DYM: variants seen among roughly 807,000 people sequenced by gnomAD.
DYM encodes dyggve-Melchior-Clausen syndrome protein.
In DYM, 78 loss-of-function variants were observed where a neutral mutation model predicts 93.1. That is an observed-to-expected ratio of 0.84 (90% CI 0.70 to 1.01). DYM has a LOEUF of 1.01. DYM is among the 50% of genes least tolerant of loss of function. DYM has a pLI of 0.00. For synonymous variants in DYM, 321 were observed against 319.7 expected (o/e 1.00, Z -0.04); for missense variants, 789 against 845.0 (o/e 0.93, Z 0.82).
chr18:49,059,634 G>A (rs1419897479), intron 17 of DYM, among the ~76,000 whole-genome samples: 2 of 152,132 alleles, frequency 1.3e-5, no homozygotes, highest in East Asian at 1.9e-4. Flanking sequence ...GCAGTTAGGG[G>A]CCCAGGTGGC....
intron 15 of DYM, among the ~76,000 whole-genome samples, chr18:49,138,009 A>G (rs1251705500): frequency 6.6e-6 from 1 of 152,218 alleles, no homozygotes; most frequent in Non-Finnish European, 1.5e-5. Context: ...GAATAGGAAA[A>G]TGGTAGTATA....
intron 2 of DYM, among the ~76,000 whole-genome samples, chr18:49,424,791 C>A (rs1172966416): frequency 1.3e-5 from 2 of 152,058 alleles, no homozygotes; most frequent in East Asian, 3.9e-4. Flanking sequence ...CTCCCATTCA[C>A]AATTGCTTCA....
chr18:49,178,399 A>C (rs2089602060), intron 14 of DYM, among the ~76,000 whole-genome samples: 1 of 152,182 alleles, frequency 6.6e-6, no homozygotes, highest in Non-Finnish European at 1.5e-5. Context: ...AATGAGAAAA[A>C]GATTCAAATG....
At chr18:49,357,383 G>A (rs371218801) in intron 6 of DYM, among the ~76,000 whole-genome samples, 7 of 152,112 alleles carry the variant, frequency 4.6e-5, no homozygotes, top group African/African-American at 1.2e-4. Flanking sequence ...AAAGCCCATC[G>A]TCCCTAAACT....
At chr18:49,052,429 T>C (rs868131718) in intron 17 of DYM, among the ~76,000 whole-genome samples, 3 of 152,238 alleles carry the variant, frequency 2.0e-5, no homozygotes, top group African/African-American at 7.2e-5. Flanking sequence ...GACAAAAGGT[T>C]TAATTTAGCA....
chr18:49,428,341 T>TA (rs1443635879), intron 2 of DYM, among the ~76,000 whole-genome samples: 1 of 152,022 alleles, frequency 6.6e-6, no homozygotes, highest in Non-Finnish European at 1.5e-5. Context: ...CACCTATTGT[T>TA]ACAATTTCAT....
chr18:49,213,115 A>C (rs1446397726), intron 13 of DYM, among the ~76,000 whole-genome samples: 1 of 152,200 alleles, frequency 6.6e-6, no homozygotes, highest in East Asian at 1.9e-4. Flanking sequence ...GTTATGCTTC[A>C]CTAAAATAAA....
At chr18:49,184,153 C>T (rs1175190111) in intron 14 of DYM, among the ~76,000 whole-genome samples, 4 of 152,160 alleles carry the variant, frequency 2.6e-5, no homozygotes, top group Non-Finnish European at 5.9e-5. Context: ...CAGTTCCTCT[C>T]TTCCCACTAA....
intron 6 of DYM, among the ~76,000 whole-genome samples, chr18:49,351,150 G>A (rs2065088019): frequency 6.6e-6 from 1 of 152,056 alleles, no homozygotes; most frequent in African/African-American, 2.4e-5. Flanking sequence ...GGCCGGGTAC[G>A]GTGGCTCTCG....
At chr18:49,052,004 T>C (rs920576233) in intron 17 of DYM, among the ~76,000 whole-genome samples, 2 of 152,234 alleles carry the variant, frequency 1.3e-5, no homozygotes, top group Non-Finnish European at 2.9e-5. Flanking sequence ...GATTGTTCCT[T>C]AGGGTTGTTT....
intron 16 of DYM, among the ~76,000 whole-genome samples, chr18:49,098,369 T>G (rs553629109): frequency 6.6e-6 from 1 of 152,352 alleles, no homozygotes; most frequent in South Asian, 2.1e-4. Flanking sequence ...CACAAACGTT[T>G]TTATGCATTT....
At chr18:49,280,328 A>C (rs752105191) in intron 10 of DYM, among the ~76,000 whole-genome samples, 28 of 152,328 alleles carry the variant, frequency 1.8e-4, no homozygotes, top group Non-Finnish European at 2.9e-4. Context: ...AATGACTATG[A>C]GACTCCAGGG....
At chr18:49,442,501 T>G (rs938227560) in intron 1 of DYM, among the ~76,000 whole-genome samples, 1 of 152,032 alleles carries the variant, frequency 6.6e-6, no homozygotes, top group Non-Finnish European at 1.5e-5. Context: ...CAATGAGCTG[T>G]GATCGTGCCA....
intron 17 of DYM, among the ~76,000 whole-genome samples, chr18:49,050,877 C>T (rs2072352482): frequency 1.3e-5 from 2 of 152,136 alleles, no homozygotes; most frequent in Admixed American, 1.3e-4. Context: ...TTATGAGCAT[C>T]TGGCATGTCA....
At position 49,389,238 on chromosome 18, in the gene DYM, A is replaced by G. The variant is rs144185163; in HGVS notation, c.193+2355T>C. Among the ~76,000 whole-genome samples the G allele has an allele frequency of 2.5e-3, 384 of 152,328 alleles. 2 individuals carry two copies. Among genetic ancestry groups the G allele is most frequent in the African/African-American group, 8.7e-3 (361 of 41,574 alleles). Reference sequence around the variant, plus strand: ...TGTATATCTTGTTTTGCTGTTCCCAAAAGTATTTTTAAACATGTAACACAT... The same window carrying G: ...TGTATATCTTGTTTTGCTGTTCCCAGAAGTATTTTTAAACATGTAACACAT... On this transcript the variant is annotated intron_variant, in intron 3 of 17. Coordinates refer to ENST00000675505, the MANE Select transcript of DYM (RefSeq NM_001353214.3).
chr18:49,392,148 A>G (rs1818432404), intron 2 of DYM, among the ~76,000 whole-genome samples: 1 of 152,246 alleles, frequency 6.6e-6, no homozygotes, highest in Non-Finnish European at 1.5e-5. Context: ...ATAAATATAT[A>G]GAAAAAAGAT....
At chr18:49,099,506 C>G (rs1373104760) in intron 16 of DYM, among the ~76,000 whole-genome samples, 1 of 152,026 alleles carries the variant, frequency 6.6e-6, no homozygotes, top group African/African-American at 2.4e-5. Context: ...TGTTCTAGTT[C>G]TTTATAAATC....
At chr18:49,422,772 A>C (rs2073864679) in intron 2 of DYM, among the ~76,000 whole-genome samples, 1 of 152,236 alleles carries the variant, frequency 6.6e-6, no homozygotes, top group Non-Finnish European at 1.5e-5. Context: ...ACAGACTTTA[A>C]ACTAACAAAG....
rs1386429640 is a variant in DYM at position 49,412,185 on chromosome 18, A to C, written c.140+18070T>G. Among the ~76,000 whole-genome samples the C allele has an allele frequency of 2.0e-5, 3 of 151,420 alleles. No individual in the cohort carries two copies. In the East Asian group the frequency reaches 5.8e-4, roughly 29 times the overall value. On this transcript the variant is annotated intron_variant, in intron 2 of 17. Coordinates refer to ENST00000675505, the MANE Select transcript of DYM (RefSeq NM_001353214.3). Reference sequence around the variant, plus strand: ...AAATGTCAAAATGTCAGCAACTACTATGCTAGATAATACGGTGTTTATTTT... The same window carrying C: ...AAATGTCAAAATGTCAGCAACTACTCTGCTAGATAATACGGTGTTTATTTT...
Sources: allele counts gnomAD v4.1 joint callset (sites outside exome capture counted in the v4.1 genomes callset), GRCh38; gene constraint gnomAD v4.1.1; transcripts MANE v1.5; gene names NCBI Gene and HGNC (gene_info 2026-07-23, HGNC 2026-07-21).